The following CHID1 variants were observed in gnomAD, a reference collection of about 807,000 sequenced individuals.
CHID1 encodes the protein chitinase domain-containing protein 1.
In CHID1, 44 loss-of-function variants were observed where a neutral mutation model predicts 55.4. That is an observed-to-expected ratio of 0.79 (90% CI 0.62 to 1.02). The LOEUF (loss-of-function observed/expected upper bound fraction) is 1.02, where lower values mean the gene tolerates loss of function less well. CHID1 is among the 50% of genes least tolerant of loss of function. The pLI is 0.00. For synonymous variants in CHID1, 216 were observed against 212.9 expected, an observed-to-expected ratio of 1.01 and a Z score of -0.13; for missense variants, 491 against 515.3, an observed-to-expected ratio of 0.95 and a Z score of 0.46.
Position 899,404 on chromosome 11 carries a change from G to A in CHID1, c.547-3C>T. ...ACGAAGCCATCGAAATGCTGGTTCT[G>A]AAAGAAGCAGTCACAGGTGAGGAGG... On this transcript the variant is annotated splice_region_variant and splice_polypyrimidine_tract_variant and intron_variant, in intron 6 of 12. Transcript: ENST00000323578. 6.3e-7 allele frequency: 1 copy of A among 1,598,940 alleles called. No homozygotes were observed. The highest frequency in any genetic ancestry group is 8.5e-7 in the Non-Finnish European group (1 of 1,172,434).
chr11:870,764 T>C (rs1589811995), intron 10 of CHID1: 2 of 430,992 alleles, frequency 4.6e-6, no homozygotes, highest in African/African-American at 2.0e-5. Context: ...GCCTGGAGAG[T>C]GACACGGGGC....
chr11:897,560 AG>A (rs1851462466), intron 7 of CHID1, among the ~76,000 whole-genome samples: 3 of 152,182 alleles, frequency 2.0e-5, no homozygotes, highest in African/African-American at 4.8e-5. Flanking sequence ...TCCCTCAGCC[AG>A]GAACGCAGGC....
At chr11:874,210 C>A (rs1364914605) in intron 10 of CHID1, among the ~76,000 whole-genome samples, 1 of 152,188 alleles carries the variant, frequency 6.6e-6, no homozygotes, top group African/African-American at 2.4e-5. Context: ...GCCTGTAATC[C>A]CAGCACTTTG....
rs938471754 is a variant in CHID1 at position 875,365 on chromosome 11, G to A, written c.960-4866C>T. On this transcript the variant is annotated intron_variant, in intron 10 of 12. Transcript: ENST00000323578. This position sits in a 1 kb window ranked among gnomAD's most constrained non-coding sequence, Gnocchi z 4.7. ...GAGGCCCTGAGGTTCACCGTCTCCC[G>A]CTCGGGGAGGCGGGCGTGGCTGGGC... Among the ~76,000 whole-genome samples, 6 of 152,316 alleles carry A rather than the reference G, an allele frequency of 3.9e-5. No homozygotes were observed. Among genetic ancestry groups the A allele is most frequent in the South Asian group, 4.1e-4 (2 of 4,824 alleles).
intron 4 of CHID1, among the ~76,000 whole-genome samples, chr11:901,619 C>T (rs929693994): frequency 5.9e-5 from 9 of 152,274 alleles, no homozygotes; most frequent in African/African-American, 1.4e-4. Flanking sequence ...GCCAATGGCC[C>T]GTGCCGTTTG....
chr11:914,835 G>A (rs559578981), upstream of CHID1: 138 of 333,854 alleles, frequency 4.1e-4, no homozygotes, highest in Non-Finnish European at 7.5e-4. Flanking sequence ...GGGTGGGGTC[G>A]CGGCGGCTCT....
intron 10 of CHID1, among the ~76,000 whole-genome samples, chr11:871,964 C>T (rs1264783389): frequency 1.3e-5 from 2 of 152,200 alleles, no homozygotes. Flanking sequence ...GGGCACATGT[C>T]ACTTCAGAGC....
At position 884,074 on chromosome 11, in the gene CHID1, G is replaced by C. The variant is rs767285671; in HGVS notation, c.797C>G (p.Ala266Gly). ...FSLMTYDYST[A>G]HQPGPNAPLS... ...CCCCCAAGCCCACACTCACTGATGC[G>C]CTGTAGAGTAGTCGTAGGTCATGAG... The change falls in exon 9 of 13, where the codon GCG becomes GGG. Residue 266 changes from alanine (A) to glycine (G), a missense_variant. Ala to Gly is a moderately conservative substitution (Grantham distance 60). Coordinates refer to ENST00000323578, the MANE Select transcript of CHID1 (RefSeq NM_023947.4). 2.5e-6 allele frequency: 4 copies of C among 1,612,888 alleles called. No individual in the cohort carries two copies. Among genetic ancestry groups the C allele is most frequent in the Admixed American group, 1.7e-5 (1 of 59,996 alleles).
intron 7 of CHID1, among the ~76,000 whole-genome samples, chr11:894,149 A>G (rs2134254018): frequency 1.5e-5 from 2 of 134,028 alleles, no homozygotes; most frequent in Admixed American, 1.6e-4. Context: ...AAAAAAAAAA[A>G]AGGACACACC....
chr11:912,228 G>A (rs1160529575), upstream of CHID1, among the ~76,000 whole-genome samples: 1 of 152,212 alleles, frequency 6.6e-6, no homozygotes, highest in Non-Finnish European at 1.5e-5. Flanking sequence ...TGGGGCAGGA[G>A]AATTACTTGA....
rs940226890 is a variant in CHID1 at position 870,259 on chromosome 11, C to T, written c.1041-96G>A. On this transcript the variant is annotated intron_variant, in intron 11 of 12. Coordinates refer to ENST00000323578, the MANE Select transcript of CHID1 (RefSeq NM_023947.4). Reference sequence around the variant, plus strand: ...CCACGGCCTGTACTCCTCCCACCCACCAGGTGGCCACCTGCTGTCCAGCTG... The same window carrying T: ...CCACGGCCTGTACTCCTCCCACCCATCAGGTGGCCACCTGCTGTCCAGCTG... 7 of 1,517,076 alleles carry T rather than the reference C, an allele frequency of 4.6e-6. No homozygotes were observed. The African/African-American group carries it at 6.9e-5, about 15-fold the overall frequency. 94.0% of individuals were successfully genotyped at this position (1,517,076 alleles called of 1,614,324 possible).
intron 1 of CHID1, chr11:908,698 G>GCCAGTCCCCTGGA: frequency 1.3e-6 from 1 of 789,600 alleles, no homozygotes; most frequent in Non-Finnish European, 1.5e-6. Context: ...GTTCTCCAGG[G>GCCAGTCCCCTGGA]GACTGGCCCA....
intron 7 of CHID1, 27 bp from the exon 8 acceptor site, chr11:893,546 C>T (rs1270235142): frequency 1.3e-6 from 2 of 1,516,854 alleles, no homozygotes; most frequent in South Asian, 2.4e-5. Context: ...ATGGGGTCAG[C>T]AGTGCCTGGC....
intron 10 of CHID1, among the ~76,000 whole-genome samples, chr11:881,338 A>G (rs1396218396): frequency 1.5e-5 from 2 of 137,208 alleles, no homozygotes; most frequent in Admixed American, 7.8e-5. Flanking sequence ...GATGAGATTA[A>G]CGGTAGGCTG....
chr11:904,694 G>A lies in CHID1; in HGVS notation c.111+12C>T. On this transcript the variant is annotated intron_variant, in intron 2 of 12. Coordinates refer to ENST00000323578, the MANE Select transcript of CHID1 (RefSeq NM_023947.4). ...CCAGTACAGTCACCTCAAGTCCCCA[G>A]GCCACCCTTACCTTCTCCAGCAGCG... The A allele has an allele frequency of 6.2e-7, 1 of 1,614,004 alleles. No individual in the cohort carries two copies. The highest frequency in any genetic ancestry group is 8.5e-7 in the Non-Finnish European group (1 of 1,179,964).
intron 4 of CHID1, 105 bp downstream of exon 4, chr11:902,093 G>C: frequency 1.5e-6 from 2 of 1,336,502 alleles, no homozygotes; most frequent in Non-Finnish European, 2.1e-6. Context: ...CCCATACAGA[G>C]ACACCCACAG....
chr11:873,307 G>A (rs1481347316), intron 10 of CHID1, among the ~76,000 whole-genome samples: 8 of 152,138 alleles, frequency 5.3e-5, no homozygotes, highest in Non-Finnish European at 1.0e-4. Context: ...GGTCCTTGGG[G>A]GGCCTGAGTG....
intron 8 of CHID1, among the ~76,000 whole-genome samples, chr11:892,965 C>T (rs1169033906): frequency 2.0e-5 from 3 of 152,222 alleles, no homozygotes; most frequent in Admixed American, 6.5e-5. Flanking sequence ...TGGGGGTGCA[C>T]CCAACCGCAC....
At chr11:877,981 TAAG>T (rs1849633916) in intron 10 of CHID1, among the ~76,000 whole-genome samples, 1 of 152,202 alleles carries the variant, frequency 6.6e-6, no homozygotes, top group South Asian at 2.1e-4. Context: ...TGTGGCTTTC[TAAG>T]AAGGGGAAGG....
Sources: allele counts gnomAD v4.1 joint callset (sites outside exome capture counted in the v4.1 genomes callset), GRCh38; gene constraint gnomAD v4.1.1; non-coding constraint Gnocchi (gnomAD v3.1); transcripts MANE v1.5; gene names NCBI Gene and HGNC (gene_info 2026-07-23, HGNC 2026-07-21).